Variants in CSMD1 observed in about 807,000 individuals in gnomAD.
CSMD1 encodes CUB and Sushi multiple domains 1, also known as CUB and sushi domain-containing protein 1.
In CSMD1, 213 loss-of-function variants were observed where a neutral mutation model predicts 417.5. The ratio of observed to expected loss-of-function variants is 0.51; its 90% CI spans 0.46 to 0.57. CSMD1 has a LOEUF of 0.57. Among genes scored for constraint, CSMD1 ranks in the 20% least tolerant of loss-of-function variants. The pLI, the probability that CSMD1 is intolerant of heterozygous loss-of-function variation, is 0.00. For synonymous variants in CSMD1, 2,862 were observed against 1,736.8 expected, an observed-to-expected ratio of 1.65 and a Z score of -16.11; for missense variants, 6,923 against 4,529.7, an observed-to-expected ratio of 1.53 and a Z score of -15.17.
chr8:4,226,711 GA>G (rs915509877), intron 3 of CSMD1, among the ~76,000 whole-genome samples: 37 of 149,296 alleles, frequency 2.5e-4, no homozygotes, highest in African/African-American at 3.4e-4. Flanking sequence ...CTTTAAAAAA[GA>G]AAAAAAAATG....
chr8:3,219,343 T>A lies in CSMD1; in HGVS notation c.4584A>T (p.Glu1528Asp), dbSNP rs771309147. The A allele has an allele frequency of 7.6e-6, 12 of 1,577,992 alleles. No individual in the cohort carries two copies. Among genetic ancestry groups the A allele is most frequent in the Non-Finnish European group, 1.0e-5 (12 of 1,160,916 alleles). The change falls in exon 29 of 70, where the codon GAA becomes GAT. Residue 1528 changes from glutamate (E) to aspartate (D), a missense_variant. By Grantham distance (45) the Glu-to-Asp change is conservative (BLOSUM62 2). Transcript: ENST00000635120. ...GGCTGTTTCCGCTACTCTCTATTCT[T>A]TCTGGGGCCTGAGAGCCCTGGTAAC... Reference protein sequence around the residue: ...IGSYQGSQAPERIESSGNSLF... With the variant: ...IGSYQGSQAPDRIESSGNSLF...
chr8:3,292,435 T>G (rs1324807968), intron 25 of CSMD1, among the ~76,000 whole-genome samples: 1 of 152,184 alleles, frequency 6.6e-6, no homozygotes, highest in Non-Finnish European at 1.5e-5. Context: ...GGTGTTAAAG[T>G]CTCCCATTAT....
rs180802239 is a variant in CSMD1, at chr8:3,250,357, C to G, written c.4154-20126G>C. Reference sequence around the variant, plus strand: ...GTTTGCTGAGAATGATGGTTTCCAGCTTCATCCCTGTCCCTACAAAGGACA... The same window carrying G: ...GTTTGCTGAGAATGATGGTTTCCAGGTTCATCCCTGTCCCTACAAAGGACA... On this transcript the variant is annotated intron_variant, in intron 26 of 69. Transcript: ENST00000635120. 2.2e-4 allele frequency among the ~76,000 whole-genome samples: 33 copies of G among 152,296 alleles called. No individual in the cohort carries two copies. In the East Asian group the frequency reaches 6.0e-3, roughly 28 times the overall value.
At chr8:3,690,365 C>T (rs1342905161) in intron 7 of CSMD1, among the ~76,000 whole-genome samples, 1 of 152,156 alleles carries the variant, frequency 6.6e-6, no homozygotes, top group Non-Finnish European at 1.5e-5. Flanking sequence ...CAAAACAAAA[C>T]AAAACAAAAA....
intron 5 of CSMD1, among the ~76,000 whole-genome samples, chr8:3,949,190 T>A (rs190420975): frequency 6.6e-6 from 1 of 152,346 alleles, no homozygotes; most frequent in East Asian, 1.9e-4. Context: ...TACATCCTTA[T>A]CATTTCTTTA....
At chr8:3,724,661 A>T (rs1905030) in intron 6 of CSMD1, among the ~76,000 whole-genome samples, 3 of 151,944 alleles carry the variant, frequency 2.0e-5, no homozygotes, top group African/African-American at 7.3e-5. Flanking sequence ...GGGCTCAACC[A>T]TGAGAATTCA....
intron 1 of CSMD1, among the ~76,000 whole-genome samples, chr8:4,894,381 C>G (rs1279440158): frequency 2.6e-5 from 4 of 151,742 alleles, no homozygotes; most frequent in Non-Finnish European, 5.9e-5. Context: ...AATTTACTTT[C>G]ATATTCTCTC....
At chr8:3,772,396 C>T (rs13277933) in intron 5 of CSMD1, among the ~76,000 whole-genome samples, 65,086 of 68,372 alleles carry the variant, frequency 0.95, 31,361 homozygotes, top group Non-Finnish European at 0.97. Flanking sequence ...TTTATATATA[C>T]ACATATATAC....
chr8:4,460,237 A>T (rs1174767592), intron 2 of CSMD1, among the ~76,000 whole-genome samples: 7 of 152,184 alleles, frequency 4.6e-5, no homozygotes, highest in Non-Finnish European at 1.5e-5. Context: ...AATTTCTAAA[A>T]ACCCAAAGGA....
intron 3 of CSMD1, among the ~76,000 whole-genome samples, chr8:4,252,663 G>A (rs1803158165): frequency 1.3e-5 from 2 of 152,208 alleles, no homozygotes; most frequent in African/African-American, 2.4e-5. Flanking sequence ...AATGGAACAG[G>A]CTTTTATGTG....
chr8:3,638,172 T>C (rs986558704), intron 7 of CSMD1, among the ~76,000 whole-genome samples: 1 of 152,150 alleles, frequency 6.6e-6, no homozygotes, highest in African/African-American at 2.4e-5. Context: ...TTCCTTCCAA[T>C]ATTTTACTTC....
intron 10 of CSMD1, among the ~76,000 whole-genome samples, chr8:3,522,843 T>C (rs1234219956): frequency 1.3e-5 from 2 of 150,250 alleles, no homozygotes; most frequent in East Asian, 3.9e-4. Flanking sequence ...ATTTGTTAGA[T>C]ATATATAATT....
chr8:3,447,441 A>C (rs1191241466), intron 12 of CSMD1, among the ~76,000 whole-genome samples: 5 of 152,208 alleles, frequency 3.3e-5, no homozygotes, highest in African/African-American at 1.2e-4. Flanking sequence ...TTTTTAGATA[A>C]AGTGGAAAAT....
intron 3 of CSMD1, among the ~76,000 whole-genome samples, chr8:4,256,884 G>C (rs1469278298): frequency 6.6e-6 from 1 of 152,158 alleles, no homozygotes; most frequent in Non-Finnish European, 1.5e-5. Flanking sequence ...ATCGCTACTG[G>C]ACGATGTGGT....
intron 10 of CSMD1, among the ~76,000 whole-genome samples, chr8:3,525,238 A>G (rs945459147): frequency 6.6e-6 from 1 of 152,270 alleles, no homozygotes; most frequent in Non-Finnish European, 1.5e-5. Flanking sequence ...GGGAGATAGC[A>G]TCCCTGGAAC....
chr8:4,766,510 A>C (rs1293986789), intron 1 of CSMD1, among the ~76,000 whole-genome samples: 3 of 152,230 alleles, frequency 2.0e-5, no homozygotes, highest in African/African-American at 4.8e-5. Context: ...CTATGCAACG[A>C]CCTAAAATTC....
At chr8:3,980,148 T>C (rs568340286) in intron 5 of CSMD1, among the ~76,000 whole-genome samples, 13 of 152,348 alleles carry the variant, frequency 8.5e-5, no homozygotes, top group Non-Finnish European at 2.9e-5. Context: ...CTGTACGGTT[T>C]ATAGAGCATT....
At chr8:4,813,743 G>C (rs1053322386) in intron 1 of CSMD1, among the ~76,000 whole-genome samples, 1 of 152,156 alleles carries the variant, frequency 6.6e-6, no homozygotes, top group African/African-American at 2.4e-5. Context: ...CCGACATACA[G>C]ACTTTAAGAA....
intron 52 of CSMD1, among the ~76,000 whole-genome samples, chr8:3,017,986 C>T (rs78052837): frequency 0.015 from 2,348 of 151,982 alleles, 21 homozygotes; most frequent in East Asian, 0.038. Flanking sequence ...AAGAATTTTC[C>T]AATGGAAACA....
Sources: allele counts gnomAD v4.1 joint callset (sites outside exome capture counted in the v4.1 genomes callset), GRCh38; gene constraint gnomAD v4.1.1; transcripts MANE v1.5; gene names NCBI Gene and HGNC (gene_info 2026-07-23, HGNC 2026-07-21).